Variants in NOS1AP observed in about 807,000 individuals in gnomAD.
NOS1AP encodes the protein nitric oxide synthase 1 adaptor protein.
Under a neutral mutation model 56.2 loss-of-function variants are expected in NOS1AP, and 21 were observed. The ratio of observed to expected loss-of-function variants is 0.37; its 90% CI spans 0.26 to 0.54. The LOEUF (loss-of-function observed/expected upper bound fraction) is 0.54. Ranked by LOEUF, NOS1AP falls within the 20% of genes least tolerant of loss-of-function variation. The probability of loss-of-function intolerance (pLI) is 0.84; values close to 1 mark genes in which losing one functional copy is unlikely to be tolerated. For synonymous variants in NOS1AP, 270 were observed against 274.6 expected (o/e 0.98, Z 0.17); for missense variants, 522 against 657.8 (o/e 0.79, Z 2.26).
chr1:162,244,030 G>C (rs1267635470), intron 2 of NOS1AP, among the ~76,000 whole-genome samples: 2 of 152,196 alleles, frequency 1.3e-5, no homozygotes, highest in African/African-American at 4.8e-5. Context: ...CATTGGCACA[G>C]ACTCATTTAT....
chr1:162,076,716 T>C (rs1570989866), intron 1 of NOS1AP, among the ~76,000 whole-genome samples: 1 of 152,078 alleles, frequency 6.6e-6, no homozygotes, highest in East Asian at 1.9e-4. Context: ...AAATACAAAA[T>C]TAGCTGGGCA....
intron 2 of NOS1AP, among the ~76,000 whole-genome samples, chr1:162,268,186 G>C (rs373392194): frequency 4.0e-5 from 6 of 151,780 alleles, no homozygotes; most frequent in Non-Finnish European, 5.9e-5. Context: ...TTGAACCCAG[G>C]AGGCAAAGGT....
chr1:162,253,131 T>A (rs1413520615), intron 2 of NOS1AP, among the ~76,000 whole-genome samples: 1 of 152,220 alleles, frequency 6.6e-6, no homozygotes, highest in Non-Finnish European at 1.5e-5. Flanking sequence ...TGGATTAATG[T>A]CATTATGGAG....
chr1:162,152,574 G>A (rs910528515), intron 1 of NOS1AP, among the ~76,000 whole-genome samples: 5 of 152,242 alleles, frequency 3.3e-5, no homozygotes, highest in African/African-American at 1.2e-4. Flanking sequence ...CACGCTATCA[G>A]ATCTAAGTGG....
intron 1 of NOS1AP, among the ~76,000 whole-genome samples, chr1:162,073,048 A>G (rs1157872349): frequency 6.6e-6 from 1 of 152,174 alleles, no homozygotes; most frequent in Non-Finnish European, 1.5e-5. Context: ...CAGAGATTGA[A>G]AGGTGTGGGG....
chr1:162,295,252 A>G (rs1655420766), intron 3 of NOS1AP, among the ~76,000 whole-genome samples: 1 of 152,156 alleles, frequency 6.6e-6, no homozygotes, highest in Non-Finnish European at 1.5e-5. Context: ...CTGGCATATC[A>G]TGGAGACCAC....
chr1:162,094,504 G>T, intron 1 of NOS1AP, among the ~76,000 whole-genome samples: 1 of 152,112 alleles, frequency 6.6e-6, no homozygotes, highest in South Asian at 2.1e-4. Flanking sequence ...TGCTTGTTAG[G>T]GCTAACCATA....
intron 4 of NOS1AP, among the ~76,000 whole-genome samples, chr1:162,313,729 G>A (rs913575139): frequency 1.3e-5 from 2 of 152,178 alleles, no homozygotes; most frequent in Non-Finnish European, 2.9e-5. Context: ...CAGCCTGTGG[G>A]CTGTTTTAAG....
At chr1:162,170,639 G>A (rs558884642) in intron 2 of NOS1AP, among the ~76,000 whole-genome samples, 2 of 152,192 alleles carry the variant, frequency 1.3e-5, no homozygotes, top group South Asian at 4.2e-4. Context: ...AAGAAACCAA[G>A]GAACAGGCCA....
Position 162,355,264 on chromosome 1 carries a change from C to T in NOS1AP, c.673C>T (p.Leu225Phe), listed in dbSNP as rs1211670730. 6.2e-7 allele frequency: 1 copy of T among 1,614,134 alleles called. No individual in the cohort carries two copies. Among genetic ancestry groups the T allele is most frequent in the Admixed American group, 1.7e-5 (1 of 60,022 alleles). Residue 225 changes from leucine to phenylalanine, a missense_variant, in exon 7 of 10, where the codon CTT (leucine) becomes TTT (phenylalanine). By Grantham distance (22) the Leu-to-Phe change is conservative (BLOSUM62 0). Transcript: ENST00000361897. ...ETDIDAVEVP[L>F]PGNDVLEFSR... ...TGACATCGATGCGGTGGAGGTCCCA[C>T]TTCCAGGGAATGATGTCCTGGAATT...
intron 2 of NOS1AP, among the ~76,000 whole-genome samples, chr1:162,232,659 C>A (rs1188504879): frequency 1.3e-5 from 2 of 152,056 alleles, no homozygotes; most frequent in Non-Finnish European, 1.5e-5. Flanking sequence ...GCTAACCTGC[C>A]TCAATTTTAT....
At chr1:162,191,464 C>T (rs776793931) in intron 2 of NOS1AP, among the ~76,000 whole-genome samples, 2 of 152,126 alleles carry the variant, frequency 1.3e-5, no homozygotes, top group Non-Finnish European at 2.9e-5. Flanking sequence ...CTCCACAACC[C>T]ATAGATCTGA....
intron 1 of NOS1AP, among the ~76,000 whole-genome samples, chr1:162,090,845 A>G (rs1205035899): frequency 2.4e-4 from 36 of 152,104 alleles, no homozygotes; most frequent in Admixed American, 2.4e-3. Flanking sequence ...TAGCTTATTT[A>G]AAAATATGTC....
At chr1:162,365,797 G>A (rs1350073511) in intron 9 of NOS1AP, among the ~76,000 whole-genome samples, 1 of 152,136 alleles carries the variant, frequency 6.6e-6, no homozygotes, top group African/African-American at 2.4e-5. Flanking sequence ...GCTGGACTTT[G>A]AATGTCCCCG....
intron 2 of NOS1AP, among the ~76,000 whole-genome samples, chr1:162,220,183 A>C (rs1057461517): frequency 6.6e-6 from 1 of 152,214 alleles, no homozygotes; most frequent in Non-Finnish European, 1.5e-5. Flanking sequence ...CCTCTCCAGT[A>C]GTTGGGCTTA....
intron 6 of NOS1AP, among the ~76,000 whole-genome samples, chr1:162,348,193 A>C (rs771641718): frequency 5.3e-5 from 8 of 152,232 alleles, no homozygotes; most frequent in Non-Finnish European, 1.2e-4. Context: ...TGTTTTAGTC[A>C]TTGTCAACAA....
At chr1:162,175,226 C>T (rs1038275979) in intron 2 of NOS1AP, among the ~76,000 whole-genome samples, 3 of 151,772 alleles carry the variant, frequency 2.0e-5, no homozygotes, top group Non-Finnish European at 4.4e-5. Context: ...GCTCTACCTC[C>T]TTAAAGGCAG....
At chr1:162,160,157 G>T (rs1032920200) in intron 2 of NOS1AP, among the ~76,000 whole-genome samples, 3 of 152,150 alleles carry the variant, frequency 2.0e-5, no homozygotes, top group Non-Finnish European at 2.9e-5. Flanking sequence ...CTGGCTGTAG[G>T]CTGGGCAAAA....
At chr1:162,088,168 A>G (rs538572366) in intron 1 of NOS1AP, among the ~76,000 whole-genome samples, 19 of 152,236 alleles carry the variant, frequency 1.2e-4, no homozygotes, top group African/African-American at 2.6e-4. Flanking sequence ...TGAGAGCCCC[A>G]GGGGTTGTCC....
Sources: allele counts gnomAD v4.1 joint callset (sites outside exome capture counted in the v4.1 genomes callset), GRCh38; gene constraint gnomAD v4.1.1; transcripts MANE v1.5; gene names NCBI Gene and HGNC (gene_info 2026-07-23, HGNC 2026-07-21).